Variants in RSRC1 observed in about 807,000 individuals in gnomAD.
RSRC1 encodes the protein arginine and serine rich coiled-coil 1, also known as serine/Arginine-related protein 53.
A neutral mutation model predicts 49.1 loss-of-function variants in RSRC1; 39 were observed. The ratio of observed to expected loss-of-function variants is 0.79; its 90% confidence interval spans 0.61 to 1.04. The LOEUF (loss-of-function observed/expected upper bound fraction) is 1.04. RSRC1 is among the 50% of genes least tolerant of loss of function. The pLI, the probability that RSRC1 is intolerant of heterozygous loss-of-function variation, is 0.00. For synonymous variants in RSRC1, 143 were observed against 130.8 expected (o/e 1.09, Z -0.63); for missense variants, 388 against 402.4 (o/e 0.96, Z 0.31).
At chr3:158,443,035 A>T (rs973133625) in intron 6 of RSRC1, among the ~76,000 whole-genome samples, 1 of 152,098 alleles carries the variant, frequency 6.6e-6, no homozygotes, top group Non-Finnish European at 1.5e-5. Context: ...ATCATAAACC[A>T]TGCTATAAAC....
At chr3:158,242,414 G>A (rs149151327) in intron 4 of RSRC1, among the ~76,000 whole-genome samples, 11 of 152,108 alleles carry the variant, frequency 7.2e-5, no homozygotes, top group Non-Finnish European at 1.6e-4. Flanking sequence ...AGTATTCCAC[G>A]GTGTATATCA....
At chr3:158,277,061 T>G (rs1725858446) in intron 4 of RSRC1, among the ~76,000 whole-genome samples, 1 of 152,188 alleles carries the variant, frequency 6.6e-6, no homozygotes, top group Admixed American at 6.5e-5. Context: ...AAATTGAAGG[T>G]ATCCTGTAAA....
chr3:158,216,443 C>T (rs929852126), intron 4 of RSRC1, among the ~76,000 whole-genome samples: 4 of 151,356 alleles, frequency 2.6e-5, no homozygotes, highest in Admixed American at 2.0e-4. Context: ...GTTTCCTCTT[C>T]ACCAGTTCTC....
chr3:158,521,607 T>C (rs529552956), intron 7 of RSRC1, among the ~76,000 whole-genome samples: 30 of 152,258 alleles, frequency 2.0e-4, no homozygotes, highest in African/African-American at 6.5e-4. Context: ...TTGCCTAAGA[T>C]TATATCATTA....
chr3:158,274,044 C>T (rs1379001253), intron 4 of RSRC1, among the ~76,000 whole-genome samples: 1 of 152,064 alleles, frequency 6.6e-6, no homozygotes, highest in Non-Finnish European at 1.5e-5. Context: ...AGAGTGCTTC[C>T]TCAGTGTTGC....
intron 5 of RSRC1, among the ~76,000 whole-genome samples, chr3:158,330,755 A>T (rs1729494925): frequency 6.6e-6 from 1 of 152,172 alleles, no homozygotes; most frequent in South Asian, 2.1e-4. Flanking sequence ...GGCTCCATTC[A>T]CATAATTTTA....
chr3:158,495,399 C>T (rs1739277792), intron 7 of RSRC1, among the ~76,000 whole-genome samples: 1 of 152,124 alleles, frequency 6.6e-6, no homozygotes, highest in Non-Finnish European at 1.5e-5. Context: ...ATTCTCCCAC[C>T]TCAGCCTCCT....
At chr3:158,133,455 TAA>T (rs1716165932) in intron 3 of RSRC1, among the ~76,000 whole-genome samples, 1 of 152,224 alleles carries the variant, frequency 6.6e-6, no homozygotes, top group South Asian at 2.1e-4. Context: ...CAAATATGAC[TAA>T]ATAAGATCAC....
intron 3 of RSRC1, among the ~76,000 whole-genome samples, chr3:158,150,759 G>A (rs1457484495): frequency 3.9e-5 from 6 of 152,046 alleles, no homozygotes; most frequent in Admixed American, 6.6e-5. Context: ...AGGTGCTTCC[G>A]GGACTGCCAT....
chr3:158,173,048 T>C (rs1718970915), intron 3 of RSRC1, among the ~76,000 whole-genome samples: 1 of 152,070 alleles, frequency 6.6e-6, no homozygotes, highest in African/African-American at 2.4e-5. Flanking sequence ...TCTATGATAG[T>C]TACTGATTTG....
chr3:158,282,038 C>T (rs1726210696), intron 4 of RSRC1, among the ~76,000 whole-genome samples: 1 of 152,208 alleles, frequency 6.6e-6, no homozygotes, highest in African/African-American at 2.4e-5. Flanking sequence ...ACTTGGTACA[C>T]AGCCAGTGCT....
chr3:158,470,363 T>C (rs9840280), intron 7 of RSRC1, among the ~76,000 whole-genome samples: 12,263 of 72,926 alleles, frequency 0.17, 521 homozygotes, highest in East Asian at 0.28. Context: ...CACACACACA[T>C]ATATATATAT....
intron 1 of RSRC1, among the ~76,000 whole-genome samples, chr3:158,112,649 T>C (rs1714489854): frequency 6.6e-6 from 1 of 152,214 alleles, no homozygotes; most frequent in Non-Finnish European, 1.5e-5. Context: ...TTTCTTGGTT[T>C]CTCTAAGGAA....
At chr3:158,270,176 A>G (rs747687893) in intron 4 of RSRC1, among the ~76,000 whole-genome samples, 3 of 152,096 alleles carry the variant, frequency 2.0e-5, no homozygotes, top group Non-Finnish European at 2.9e-5. Flanking sequence ...TGCTGTTCCA[A>G]TGGTTGACGT....
chr3:158,175,756 C>T (rs578198255), intron 3 of RSRC1, among the ~76,000 whole-genome samples: 9 of 151,970 alleles, frequency 5.9e-5, no homozygotes, highest in South Asian at 2.1e-4. Flanking sequence ...ACCAATCAAA[C>T]GTAGATTTGG....
chr3:158,256,139 C>T (rs997007515), intron 4 of RSRC1, among the ~76,000 whole-genome samples: 5 of 152,020 alleles, frequency 3.3e-5, no homozygotes, highest in Admixed American at 2.0e-4. Context: ...TGTCTTGTGC[C>T]GGTTTTCAGA....
intron 4 of RSRC1, among the ~76,000 whole-genome samples, chr3:158,257,340 T>C (rs941426697): frequency 2.6e-5 from 4 of 152,200 alleles, no homozygotes; most frequent in Non-Finnish European, 5.9e-5. Context: ...TACTGGTATA[T>C]GTTTATTTAT....
chr3:158,516,737 C>G (rs1211326118), intron 7 of RSRC1, among the ~76,000 whole-genome samples: 1 of 152,202 alleles, frequency 6.6e-6, no homozygotes, highest in African/African-American at 2.4e-5. Flanking sequence ...GCTGTGCTAG[C>G]AATCAGCGAG....
intron 7 of RSRC1, among the ~76,000 whole-genome samples, chr3:158,463,711 T>C (rs973389899): frequency 2.6e-5 from 4 of 152,150 alleles, no homozygotes; most frequent in Non-Finnish European, 5.9e-5. Flanking sequence ...TTCCTTTGAG[T>C]GTTCTTAAAT....
Sources: allele counts gnomAD v4.1 joint callset (sites outside exome capture counted in the v4.1 genomes callset), GRCh38; gene constraint gnomAD v4.1.1; transcripts MANE v1.5; gene names NCBI Gene and HGNC (gene_info 2026-07-23, HGNC 2026-07-21).